CCDC69: variants seen among roughly 807,000 people sequenced by gnomAD.
The protein encoded by CCDC69 is coiled-coil domain-containing protein 69.
CCDC69 carries 38 observed loss-of-function variants against 40.3 expected under a neutral mutation model. The observed-to-expected ratio is 0.94, with a 90% CI of 0.73 to 1.24. The LOEUF (loss-of-function observed/expected upper bound fraction) is 1.24, where lower values mean the gene tolerates loss of function less well. CCDC69 is among the 50% of genes most tolerant of loss of function. CCDC69 has a pLI of 0.00. For missense variants in CCDC69, 389 were observed against 357.9 expected (o/e 1.09, Z -0.70); for synonymous variants, 141 against 138.9 (o/e 1.02, Z -0.11).
Position 151,201,704 on chromosome 5 carries a change from CA to C in CCDC69, c.125-17del. On this transcript the variant is annotated splice_polypyrimidine_tract_variant and intron_variant, in intron 2 of 8. Coordinates refer to ENST00000355417, the MANE Select transcript of CCDC69 (RefSeq NM_015621.3). ...ACAGTTATAGCTAGAGATGAAAAAGCAAAAAAATAAAAATAAAAAAACTCAC... is the reference window on the plus strand; with the variant it reads ...ACAGTTATAGCTAGAGATGAAAAAGCAAAAAATAAAAATAAAAAAACTCAC... 1.3e-6 allele frequency: 2 copies of C among 1,543,922 alleles called. No individual in the cohort carries two copies. The highest frequency in any genetic ancestry group is 2.3e-5 in the East Asian group (1 of 43,790).
chr5:151,211,881 G>A (rs1227595321), intron 1 of CCDC69, among the ~76,000 whole-genome samples: 1 of 151,958 alleles, frequency 6.6e-6, no homozygotes, highest in African/African-American at 2.4e-5. Flanking sequence ...AAAGCCTGAG[G>A]ACATGTGACC....
In CCDC69 at chr5:151,186,019, C is replaced by G. The variant is rs533571618; in HGVS notation, c.495+4G>C. Reference sequence around the variant, plus strand: ...GGAAAAGCGCCCAGGGTGCTGCCACCTACCTGGATATGTTTCTTATAGTTT... The same window carrying G: ...GGAAAAGCGCCCAGGGTGCTGCCACGTACCTGGATATGTTTCTTATAGTTT... On this transcript the variant is annotated splice_donor_region_variant and intron_variant, in intron 6 of 8. Coordinates refer to ENST00000355417, the MANE Select transcript of CCDC69 (RefSeq NM_015621.3). The G allele has an allele frequency of 4.6e-5, 74 of 1,610,758 alleles. No individual in the cohort carries two copies. The South Asian group carries it at 6.5e-4, about 14-fold the overall frequency.
At chr5:151,198,240 C>A (rs1409452923) in intron 4 of CCDC69, among the ~76,000 whole-genome samples, 11 of 152,128 alleles carry the variant, frequency 7.2e-5, no homozygotes, top group Non-Finnish European at 8.8e-5. Context: ...AGCTGGTAAG[C>A]AGTGGGGCTG....
chr5:151,208,413 T>G (rs1397820493), intron 1 of CCDC69, among the ~76,000 whole-genome samples: 2 of 152,242 alleles, frequency 1.3e-5, no homozygotes, highest in African/African-American at 2.4e-5. Flanking sequence ...TCTTCTAGAA[T>G]AGCCTGCTTC....
chr5:151,211,806 T>TGGCC (rs1163116556), intron 1 of CCDC69, among the ~76,000 whole-genome samples: 4 of 151,886 alleles, frequency 2.6e-5, no homozygotes, highest in African/African-American at 9.7e-5. Context: ...TTACAGGCAT[T>TGGCC]AGCCACCACG....
At chr5:151,213,548 G>A (rs1049267645) in intron 1 of CCDC69, among the ~76,000 whole-genome samples, 1 of 152,030 alleles carries the variant, frequency 6.6e-6, no homozygotes, top group East Asian at 1.9e-4. Context: ...CACCATGCCC[G>A]GCCAACTACC....
chr5:151,186,082 C>T lies in CCDC69; in HGVS notation c.436G>A (p.Ala146Thr), dbSNP rs778679066. ...GACTCCTCCACCCTCTTCATTTTGG[C>T]CTGGAAAGCCTCCAGCTGTGAGGTC... Reference protein sequence around the residue: ...RLTSQLEAFQAKMKRVEESIL... With the variant: ...RLTSQLEAFQTKMKRVEESIL... The change falls in exon 6 of 9, where the codon GCC (alanine) becomes ACC (threonine). Residue 146 changes from alanine to threonine, a missense_variant. Physicochemically the swap from Ala to Thr is moderately conservative, Grantham distance 58. Transcript: ENST00000355417. The T allele has an allele frequency of 3.7e-6, 6 of 1,614,012 alleles. No homozygotes were observed. The South Asian group carries it at 5.5e-5, about 15-fold the overall frequency.
At position 151,182,713 on chromosome 5, in the gene CCDC69, C is replaced by A; in HGVS notation, c.*724G>T. The A allele has an allele frequency of 3.4e-6, 1 of 297,450 alleles. No homozygotes were observed. Among genetic ancestry groups the A allele is most frequent in the South Asian group, 3.0e-5 (1 of 33,456 alleles). 18.4% of individuals were successfully genotyped at this position (297,450 alleles called of 1,614,324 possible). A position where few individuals can be genotyped will look rare whatever the true frequency, so the allele number is the denominator to read the frequency against. ...AAGGGCCAGGAGGGCTGAGGGGATGCACCTTGCCTGGTAAAGGAAGAGGAG... is the reference window on the plus strand; with the variant it reads ...AAGGGCCAGGAGGGCTGAGGGGATGAACCTTGCCTGGTAAAGGAAGAGGAG... On this transcript the variant is annotated 3_prime_UTR_variant, in exon 9 of 9. Transcript: ENST00000355417.
At chr5:151,197,731 C>T (rs1241188286) in intron 4 of CCDC69, among the ~76,000 whole-genome samples, 2 of 152,100 alleles carry the variant, frequency 1.3e-5, no homozygotes, top group Non-Finnish European at 2.9e-5. Context: ...TATTCTAATG[C>T]TGAAATCATG....
intron 1 of CCDC69, among the ~76,000 whole-genome samples, chr5:151,220,727 T>C (rs1244347063): frequency 6.6e-6 from 1 of 152,102 alleles, no homozygotes; most frequent in African/African-American, 2.4e-5. Flanking sequence ...TCAGACATCA[T>C]TCCTGGTACT....
intron 4 of CCDC69, among the ~76,000 whole-genome samples, chr5:151,197,114 A>C (rs1413118349): frequency 6.6e-6 from 1 of 152,250 alleles, no homozygotes; most frequent in Non-Finnish European, 1.5e-5. Flanking sequence ...AGGTGAAAGA[A>C]GTCAGATGTG....
intron 1 of CCDC69, 105 bp downstream of exon 1, chr5:151,223,818 T>C (rs2114009144): frequency 1.7e-6 from 2 of 1,160,866 alleles, no homozygotes; most frequent in Non-Finnish European, 2.5e-6. Context: ...CCGTCCGGTA[T>C]CCCGGGCCGA....
chr5:151,216,557 CA>C (rs1425018358), intron 1 of CCDC69, among the ~76,000 whole-genome samples: 1 of 151,766 alleles, frequency 6.6e-6, no homozygotes, highest in Non-Finnish European at 1.5e-5. Flanking sequence ...GCTGAGATTA[CA>C]GGCACGTGCC....
intron 2 of CCDC69, among the ~76,000 whole-genome samples, chr5:151,203,065 C>T (rs1003621075): frequency 6.6e-6 from 1 of 152,172 alleles, no homozygotes; most frequent in Non-Finnish European, 1.5e-5. Flanking sequence ...TACCCCCATG[C>T]TACAGACGAG....
intron 7 of CCDC69, 41 bp downstream of exon 7, chr5:151,185,381 G>A (rs1015020945): frequency 2.5e-6 from 4 of 1,610,162 alleles, no homozygotes; most frequent in Non-Finnish European, 3.4e-6. Flanking sequence ...CAGAAAGCGG[G>A]AGCCTGAGGC....
At chr5:151,218,397 C>T (rs2114005373) in intron 1 of CCDC69, among the ~76,000 whole-genome samples, 1 of 152,318 alleles carries the variant, frequency 6.6e-6, no homozygotes, top group Admixed American at 6.5e-5. Context: ...ATGCAGAGGA[C>T]CGAGTGCCAG....
At chr5:151,193,083 C>T (rs74995440) in intron 4 of CCDC69, among the ~76,000 whole-genome samples, 3,522 of 152,030 alleles carry the variant, frequency 0.023, 79 homozygotes, top group Non-Finnish European at 0.032. Context: ...GCAAATAATA[C>T]GCCATTTTAT....
intron 1 of CCDC69, among the ~76,000 whole-genome samples, chr5:151,217,974 A>G (rs1198541614): frequency 6.7e-6 from 1 of 148,826 alleles, no homozygotes; most frequent in African/African-American, 2.5e-5. Context: ...CACAAAGGTC[A>G]TTGTACACTC....
chr5:151,209,939 G>A (rs939937232), intron 1 of CCDC69, among the ~76,000 whole-genome samples: 1 of 151,992 alleles, frequency 6.6e-6, no homozygotes, highest in African/African-American at 2.4e-5. Flanking sequence ...GTACTAGTAG[G>A]CATTTGTTGT....
Sources: gnomAD v4.1 joint callset for allele counts (sites outside exome capture counted in the v4.1 genomes callset) on GRCh38, gnomAD v4.1.1 for gene constraint, MANE v1.5 for transcripts, NCBI Gene and HGNC (gene_info 2026-07-23, HGNC 2026-07-21) for gene names.